The following CCT4 variants were observed in gnomAD, a reference collection of about 807,000 sequenced individuals.
CCT4 encodes chaperonin containing TCP1 subunit 4.
A neutral mutation model predicts 62.5 loss-of-function variants in CCT4; 17 were observed. The ratio of observed to expected loss-of-function variants is 0.27; its 90% confidence interval spans 0.19 to 0.41. The LOEUF (loss-of-function observed/expected upper bound fraction) is 0.41. Among genes scored for constraint, CCT4 ranks in the 10% least tolerant of loss-of-function variants. The pLI is 1.00. For missense variants in CCT4, 592 were observed against 659.2 expected (o/e 0.90, Z 1.12); for synonymous variants, 250 against 229.9 (o/e 1.09, Z -0.79).
chr2:61,885,012 C>A lies in CCT4; in HGVS notation c.180+8G>T, dbSNP rs1175267873. 6.3e-7 allele frequency: 1 copy of A among 1,579,956 alleles called. No individual in the cohort carries two copies. Among genetic ancestry groups the A allele is most frequent in the Admixed American group, 1.8e-5 (1 of 54,096 alleles). ...CAATTAGTAGTATTCAATGACTCAA[C>A]TCTTTACCATTTTATCCATTCCTTT... is the stretch of plus-strand genomic sequence containing the variant. On this transcript the variant is annotated splice_region_variant and intron_variant, in intron 2 of 13. Coordinates refer to ENST00000394440, the MANE Select transcript of CCT4 (RefSeq NM_006430.4).
chr2:61,874,728 G>C (rs562791990), intron 8 of CCT4, among the ~76,000 whole-genome samples: 11 of 152,274 alleles, frequency 7.2e-5, no homozygotes, highest in Admixed American at 2.0e-4. Context: ...GCAAGCAATT[G>C]CATAGACCTT....
intron 1 of CCT4, 106 bp downstream of exon 1, chr2:61,888,275 G>C: frequency 3.7e-6 from 5 of 1,358,384 alleles, no homozygotes; most frequent in Non-Finnish European, 4.0e-6. Context: ...GAGGACAAGA[G>C]AGGATCACCC....
At chr2:61,868,952 T>C in intron 13 of CCT4, 2 of 423,212 alleles carry the variant, frequency 4.7e-6, no homozygotes, top group African/African-American at 2.0e-5. Flanking sequence ...CTGACCAACA[T>C]GGTGAAACCC....
At chr2:61,877,613 G>T in intron 5 of CCT4, 99 bp from the exon 6 acceptor site, 1 of 913,320 alleles carries the variant, frequency 1.1e-6, no homozygotes, top group Non-Finnish European at 1.6e-6. Flanking sequence ...TATAATTTTT[G>T]CAGTGGGGTG....
Position 61,869,854 on chromosome 2 carries a change from C to CA in CCT4, c.1492-302dup, listed in dbSNP as rs1668847839. On this transcript the variant is annotated intron_variant, in intron 12 of 13. Coordinates refer to ENST00000394440, the MANE Select transcript of CCT4 (RefSeq NM_006430.4). ...TTCACCGTGTTAGCCAGGATGGTCT[C>CA]ATCTCCTGATCTCATGATCTGCCCG... Among the ~76,000 whole-genome samples the CA allele has an allele frequency of 5.4e-5, 8 of 149,312 alleles. No homozygotes were observed. The South Asian group carries it at 1.6e-3, about 29-fold the overall frequency.
Position 61,868,369 on chromosome 2 carries a change from G to T in CCT4, c.*323C>A, listed in dbSNP as rs1668818678. On this transcript the variant is annotated 3_prime_UTR_variant, in exon 14 of 14. Coordinates refer to ENST00000394440, the MANE Select transcript of CCT4 (RefSeq NM_006430.4). Reference sequence around the variant, plus strand: ...TGTTGGTAGTTTTTAAGGCCAGGGAGCATTTATCAGTGATGAGCATATTGG... The same window carrying T: ...TGTTGGTAGTTTTTAAGGCCAGGGATCATTTATCAGTGATGAGCATATTGG... 1 of 285,260 alleles carries T rather than the reference G, an allele frequency of 3.5e-6. No homozygotes were observed. The highest frequency in any genetic ancestry group is 6.2e-5 in the South Asian group (1 of 16,024). 17.7% of individuals were successfully genotyped at this position (285,260 alleles called of 1,614,324 possible). A position where few individuals can be genotyped will look rare whatever the true frequency, so the allele number is the denominator to read the frequency against.
chr2:61,873,030 T>C lies in CCT4; in HGVS notation c.1097A>G (p.Asn366Ser), dbSNP rs150227141. Residue 366 changes from asparagine to serine, a missense_variant, in exon 10 of 14, where the codon AAT becomes AGT. Physicochemically the swap from Asn to Ser is conservative, Grantham distance 46. Coordinates refer to ENST00000394440, the MANE Select transcript of CCT4 (RefSeq NM_006430.4). ...GAGCAGTTTGCCAGAACCATTTAAA[T>C]TGACCTCCTCAGCTAACTCAGCAGA... ...LGSAELAEEV[N>S]LNGSGKLLKI... The C allele has an allele frequency of 9.1e-4, 1,464 of 1,610,246 alleles. 31 individuals carry two copies. In the South Asian group the frequency reaches 0.013, roughly 14 times the overall value.
Position 61,877,397 on chromosome 2 carries a change from G to T in CCT4, c.640C>A (p.Leu214Ile). The T allele has an allele frequency of 6.3e-7, 1 of 1,598,108 alleles. No individual in the cohort carries two copies. The highest frequency in any genetic ancestry group is 8.5e-7 in the Non-Finnish European group (1 of 1,174,566). The change falls in exon 6 of 14, where the codon CTT becomes ATT. Residue 214 changes from leucine to isoleucine, a missense_variant. Transcript: ENST00000394440. ...GTTGTAATTAGAGATGCTTACCCAA[G>T]CTTCTTAACTATTTTAATATCTCTA... ...DLRDIKIVKKLGGTIDDCELV... is the reference protein window; with the variant it reads ...DLRDIKIVKKIGGTIDDCELV...
In CCT4 at chr2:61,873,227, A is replaced by G; in HGVS notation, c.984T>C (p.Ile328=). ...AAATGAATTCAATGTCTTCTCTTTC[A>G]ATATCCTTAATCACCATGATCTTCA... The part of the protein sequence containing the change: ...NKMKIMVIKD[I]EREDIEFICK... The change falls in exon 9 of 14, where the codon ATT becomes ATC. Residue 328 remains isoleucine, a synonymous_variant. Transcript: ENST00000394440. 6.6e-7 allele frequency: 1 copy of G among 1,526,174 alleles called. No individual in the cohort carries two copies. Among genetic ancestry groups the G allele is most frequent in the Non-Finnish European group, 9.1e-7 (1 of 1,100,210 alleles). The allele number at this position is 1,526,174 out of a possible 1,614,324, so 94.5% of individuals were successfully genotyped here.
At chr2:61,878,243 A>G (rs771873163) in intron 5 of CCT4, among the ~76,000 whole-genome samples, 1 of 152,226 alleles carries the variant, frequency 6.6e-6, no homozygotes, top group Non-Finnish European at 1.5e-5. Context: ...ACAGGATATT[A>G]CAGAAAACAA....
chr2:61,872,404 A>G, intron 11 of CCT4, 54 bp downstream of exon 11: 1 of 1,471,734 alleles, frequency 6.8e-7, no homozygotes, highest in Admixed American at 2.0e-5. Flanking sequence ...AAAAAATAGA[A>G]TATAATAGTT....
At chr2:61,870,297 T>C (rs762484743) in intron 12 of CCT4, among the ~76,000 whole-genome samples, 5 of 151,502 alleles carry the variant, frequency 3.3e-5, no homozygotes, top group East Asian at 2.0e-4. Flanking sequence ...CAAAACAAAA[T>C]ATTATCTCTT....
intron 1 of CCT4, among the ~76,000 whole-genome samples, 182 bp from the exon 2 acceptor site, chr2:61,885,254 T>TC (rs931491879): frequency 6.6e-6 from 1 of 151,986 alleles, no homozygotes; most frequent in Non-Finnish European, 1.5e-5. Flanking sequence ...AGAGTTTTTT[T>TC]CCCCTCAAAT....
At chr2:61,879,256 C>CTTTTTTTTTT (rs35373962) in intron 4 of CCT4, among the ~76,000 whole-genome samples, 1 of 101,078 alleles carries the variant, frequency 9.9e-6, no homozygotes, top group African/African-American at 3.9e-5. Context: ...AAATTTTATA[C>CTTTTTTTTTT]TTTTTTTTTT....
At chr2:61,881,698 T>C (rs1472138088) in intron 3 of CCT4, among the ~76,000 whole-genome samples, 1 of 152,140 alleles carries the variant, frequency 6.6e-6, no homozygotes, top group Non-Finnish European at 1.5e-5. Context: ...AATTTTATCT[T>C]TTTTCATGTA....
chr2:61,872,401 A>T, intron 11 of CCT4, 57 bp downstream of exon 11: 1 of 1,446,816 alleles, frequency 6.9e-7, no homozygotes, highest in Non-Finnish European at 9.3e-7. Context: ...TTTAAAAAAT[A>T]GAATATAATA....
rs1435044111 is a variant in CCT4, at chr2:61,868,717, A to G, written c.1606-11T>C. ...TTATCGAGTGTTTACCTGATAAGAG[A>G]AAAACTTAGATTTCAAAACCTGTAA... is the stretch of plus-strand genomic sequence containing the variant. On this transcript the variant is annotated splice_polypyrimidine_tract_variant and intron_variant, in intron 13 of 13. Transcript: ENST00000394440. The G allele has an allele frequency of 1.3e-6, 2 of 1,575,500 alleles. No homozygotes were observed. Among genetic ancestry groups the G allele is most frequent in the African/African-American group, 2.7e-5 (2 of 74,080 alleles).
At chr2:61,882,139 G>T (rs1195017857) in intron 3 of CCT4, among the ~76,000 whole-genome samples, 1 of 152,026 alleles carries the variant, frequency 6.6e-6, no homozygotes, top group African/African-American at 2.4e-5. Flanking sequence ...CACGATGTTG[G>T]CCAGGCTGGT....
intron 8 of CCT4, among the ~76,000 whole-genome samples, chr2:61,875,868 C>G (rs553806241): frequency 6.6e-6 from 1 of 152,106 alleles, no homozygotes; most frequent in Non-Finnish European, 1.5e-5. Flanking sequence ...TGAACTTATA[C>G]CATTTTTTCC....
Sources: gnomAD v4.1 joint callset for allele counts (sites outside exome capture counted in the v4.1 genomes callset) on GRCh38, gnomAD v4.1.1 for gene constraint, MANE v1.5 for transcripts, NCBI Gene and HGNC (gene_info 2026-07-23, HGNC 2026-07-21) for gene names.